The following SH3BGRL2 variants were observed in gnomAD, a reference collection of about 807,000 sequenced individuals.
The protein encoded by SH3BGRL2 is SH3 domain binding glutamate rich protein like 2, also known as SH3 domain-binding glutamic acid-rich-like protein 2.
Under a neutral mutation model 14.8 loss-of-function variants are expected in SH3BGRL2, and 21 were observed. The ratio of observed to expected loss-of-function variants is 1.42; its 90% CI spans 1.01 to 2.05. The LOEUF is 2.05. Ranked by LOEUF, SH3BGRL2 falls within the 30% of genes most tolerant of loss-of-function variation. The pLI is 0.00. For synonymous variants in SH3BGRL2, 50 were observed against 47.8 expected, an observed-to-expected ratio of 1.05 and a Z score of -0.19; for missense variants, 147 against 130.8, an observed-to-expected ratio of 1.12 and a Z score of -0.61.
chr6:79,552,387 G>A, the SH3BGRL2 span, among the ~76,000 whole-genome samples: 1 of 152,218 alleles, frequency 6.6e-6, no homozygotes, highest in Non-Finnish European at 1.5e-5. Context: ...AAGTTTAGGG[G>A]AGTGTGACTT....
the SH3BGRL2 span, among the ~76,000 whole-genome samples, chr6:79,619,499 C>A: frequency 2.8e-4 from 42 of 152,150 alleles, no homozygotes; most frequent in Non-Finnish European, 4.9e-4. Context: ...CTTACTTGCC[C>A]TTGTTGCCTT....
At position 79,659,325 on chromosome 6, in the gene SH3BGRL2, A is replaced by G. The variant is rs111677219; in HGVS notation, c.46-14289A>G. Among the ~76,000 whole-genome samples, 1,191 of 152,256 alleles carry G rather than the reference A, an allele frequency of 7.8e-3. 15 individuals carry two copies. The highest frequency in any genetic ancestry group is 0.028 in the African/African-American group (1,146 of 41,538). ...GAATTAATTTTTGTATAAGGTGTAA[A>G]GAAGGGATACAGTTTCAGCTTTCTA... is the stretch of plus-strand genomic sequence containing the variant. On this transcript the variant is annotated intron_variant, in intron 1 of 3. Coordinates refer to ENST00000369838, the MANE Select transcript of SH3BGRL2 (RefSeq NM_031469.4).
the SH3BGRL2 span, among the ~76,000 whole-genome samples, chr6:79,619,953 T>G: frequency 6.6e-6 from 1 of 152,236 alleles, no homozygotes; most frequent in South Asian, 2.1e-4. Flanking sequence ...TATTGCACAA[T>G]GAAGCTAGAG....
intron 1 of SH3BGRL2, among the ~76,000 whole-genome samples, chr6:79,662,159 T>A (rs1192753881): frequency 1.3e-5 from 2 of 152,150 alleles, no homozygotes; most frequent in Non-Finnish European, 2.9e-5. Flanking sequence ...AAGGTTAATA[T>A]TGTTTTGTGT....
At chr6:79,627,878 C>A (rs919660930), upstream of SH3BGRL2, among the ~76,000 whole-genome samples, 7 of 152,142 alleles carry the variant, frequency 4.6e-5, no homozygotes, top group Non-Finnish European at 8.8e-5. Flanking sequence ...CCCTCACCCC[C>A]AGCCTAAAGG....
At chr6:79,538,531 G>A in the SH3BGRL2 span, among the ~76,000 whole-genome samples, 1 of 152,160 alleles carries the variant, frequency 6.6e-6, no homozygotes, top group Non-Finnish European at 1.5e-5. Flanking sequence ...AATAAGATGA[G>A]TAATCCCTAA....
chr6:79,657,777 T>C (rs994245853), intron 1 of SH3BGRL2, among the ~76,000 whole-genome samples: 1 of 152,138 alleles, frequency 6.6e-6, no homozygotes, highest in Non-Finnish European at 1.5e-5. Flanking sequence ...CTACCATGCC[T>C]GGCTAATTAA....
At chr6:79,638,162 A>G (rs1768962945) in intron 1 of SH3BGRL2, among the ~76,000 whole-genome samples, 1 of 152,192 alleles carries the variant, frequency 6.6e-6, no homozygotes, top group African/African-American at 2.4e-5. Context: ...ATATCTTACA[A>G]TGCTATAGAA....
At chr6:79,568,041 T>TG in the SH3BGRL2 span, among the ~76,000 whole-genome samples, 9 of 152,264 alleles carry the variant, frequency 5.9e-5, no homozygotes, top group South Asian at 1.9e-3. Context: ...ACCCAAAACA[T>TG]TGGCAAAAAT....
the SH3BGRL2 span, among the ~76,000 whole-genome samples, chr6:79,585,506 AT>A: frequency 9.2e-5 from 14 of 152,038 alleles, no homozygotes; most frequent in African/African-American, 2.7e-4. Flanking sequence ...TTCCTGAAGT[AT>A]TTTTTTTCTT....
intron 1 of SH3BGRL2, among the ~76,000 whole-genome samples, chr6:79,657,180 A>G (rs1356518459): frequency 1.3e-5 from 2 of 152,052 alleles, no homozygotes; most frequent in Non-Finnish European, 2.9e-5. Context: ...TTAAATCAAG[A>G]GCCAATGAGG....
intron 2 of SH3BGRL2, among the ~76,000 whole-genome samples, chr6:79,681,294 T>A (rs1221275079): frequency 6.6e-6 from 1 of 152,248 alleles, no homozygotes; most frequent in East Asian, 1.9e-4. Flanking sequence ...TGAGTTTTAA[T>A]GTTTTAAAAC....
chr6:79,625,176 T>TA, the SH3BGRL2 span, among the ~76,000 whole-genome samples: 30 of 147,022 alleles, frequency 2.0e-4, no homozygotes, highest in African/African-American at 7.4e-4. Context: ...GTGTCTCTAT[T>TA]AAAAAAAATA....
intron 2 of SH3BGRL2, among the ~76,000 whole-genome samples, chr6:79,683,911 G>A (rs1238770727): frequency 6.6e-6 from 1 of 152,270 alleles, no homozygotes; most frequent in South Asian, 2.1e-4. Flanking sequence ...TGTGTCACCT[G>A]GTAGAATGGA....
chr6:79,663,298 C>G lies in SH3BGRL2; in HGVS notation c.46-10316C>G, dbSNP rs2127730135. Among the ~76,000 whole-genome samples, 2 of 152,302 alleles carry G rather than the reference C, an allele frequency of 1.3e-5. 1 individual carries two copies. Among genetic ancestry groups the G allele is most frequent in the Middle Eastern group, 6.8e-3 (2 of 294 alleles). Reference sequence around the variant, plus strand: ...CTTTGTGGTTCTATCTACCTTTGGTCTTTGATGTTGGTGACCTACAAATGG... The same window carrying G: ...CTTTGTGGTTCTATCTACCTTTGGTGTTTGATGTTGGTGACCTACAAATGG... On this transcript the variant is annotated intron_variant, in intron 1 of 3. Transcript: ENST00000369838.
At chr6:79,589,444 T>C in the SH3BGRL2 span, among the ~76,000 whole-genome samples, 1 of 152,274 alleles carries the variant, frequency 6.6e-6, no homozygotes, top group East Asian at 1.9e-4. Context: ...CAAGTATGTT[T>C]GATGATGTGT....
At chr6:79,644,227 GT>G (rs1256262973) in intron 1 of SH3BGRL2, among the ~76,000 whole-genome samples, 1 of 152,142 alleles carries the variant, frequency 6.6e-6, no homozygotes, top group Admixed American at 6.5e-5. Context: ...AGTGGAAGGA[GT>G]TTATCAATAT....
chr6:79,624,251 T>C, the SH3BGRL2 span, among the ~76,000 whole-genome samples: 5 of 150,470 alleles, frequency 3.3e-5, no homozygotes, highest in African/African-American at 9.7e-5. Context: ...AAAATGTATA[T>C]ATATTGAATA....
the SH3BGRL2 span, among the ~76,000 whole-genome samples, chr6:79,538,018 G>GTTTTTTTTTTTTTTTT: frequency 5.7e-4 from 25 of 44,164 alleles, 2 homozygotes; most frequent in African/African-American, 7.0e-4. Context: ...TTGCACACAA[G>GTTTTTTTTTTTTTTTT]TTTTTTTTTT....
Sources: gnomAD v4.1 joint callset for allele counts (sites outside exome capture counted in the v4.1 genomes callset) on GRCh38, gnomAD v4.1.1 for gene constraint, MANE v1.5 for transcripts, NCBI Gene and HGNC (gene_info 2026-07-23, HGNC 2026-07-21) for gene names.